Variants in TENM2 observed in about 807,000 individuals in gnomAD.
TENM2 encodes the protein teneurin transmembrane protein 2.
Under a neutral mutation model 245.2 loss-of-function variants are expected in TENM2, and 52 were observed. The ratio of observed to expected loss-of-function variants is 0.21; its 90% CI spans 0.17 to 0.27. The LOEUF is 0.27. TENM2 is among the 10% of genes least tolerant of loss of function. TENM2 has a pLI of 1.00. For missense variants in TENM2, 3,046 were observed against 3,666.8 expected (o/e 0.83, Z 4.37); for synonymous variants, 1,363 against 1,438.9 (o/e 0.95, Z 1.19).
chr5:167,044,836 A>G, the TENM2 span, among the ~76,000 whole-genome samples: 1 of 152,248 alleles, frequency 6.6e-6, no homozygotes, highest in Non-Finnish European at 1.5e-5. Flanking sequence ...TGACAGAAGC[A>G]GTTTTTGGAA....
chr5:167,596,378 C>T lies in TENM2; in HGVS notation c.502+220905C>T, dbSNP rs73382905. Among the ~76,000 whole-genome samples, 95 of 152,230 alleles carry T rather than the reference C, an allele frequency of 6.2e-4. 1 individual carries two copies. The East Asian group carries it at 0.011, about 17-fold the overall frequency. On this transcript the variant is annotated intron_variant, in intron 2 of 28. Transcript: ENST00000518659. ...TCTCCATCCTACTGGACTGTCCCCCCCAAGGACCTCCCTACAAACCCTCAG... is the reference window on the plus strand; with the variant it reads ...TCTCCATCCTACTGGACTGTCCCCCTCAAGGACCTCCCTACAAACCCTCAG...
At chr5:167,742,805 A>T (rs1210530126) in intron 2 of TENM2, among the ~76,000 whole-genome samples, 3 of 151,818 alleles carry the variant, frequency 2.0e-5, no homozygotes, top group Admixed American at 6.6e-5. Context: ...AAAGAAAGAA[A>T]GAAAGACAGA....
chr5:167,233,030 T>TA, the TENM2 span, among the ~76,000 whole-genome samples: 1 of 152,032 alleles, frequency 6.6e-6, no homozygotes, highest in Admixed American at 6.6e-5. Context: ...GACATGTACA[T>TA]AAAAAAGATA....
At chr5:167,521,594 C>T (rs1184407764) in intron 2 of TENM2, among the ~76,000 whole-genome samples, 2 of 152,134 alleles carry the variant, frequency 1.3e-5, no homozygotes, top group Non-Finnish European at 1.5e-5. Flanking sequence ...TTTTAATATG[C>T]CTTCTGACTG....
intron 1 of TENM2, among the ~76,000 whole-genome samples, chr5:167,347,074 A>T (rs778383255): frequency 5.9e-5 from 9 of 152,088 alleles, no homozygotes; most frequent in Non-Finnish European, 1.3e-4. Context: ...ACCAAGCTCC[A>T]GCTTTTACAG....
chr5:168,026,552 A>T (rs570436119), intron 5 of TENM2, among the ~76,000 whole-genome samples: 15 of 152,330 alleles, frequency 9.8e-5, no homozygotes, highest in Non-Finnish European at 1.8e-4. Context: ...ATTAATTTAT[A>T]CAACAAATGT....
intron 2 of TENM2, among the ~76,000 whole-genome samples, chr5:167,538,616 A>G (rs1175544150): frequency 2.0e-5 from 3 of 152,248 alleles, no homozygotes; most frequent in Non-Finnish European, 4.4e-5. Flanking sequence ...GGTAACTATC[A>G]GTACAGATAG....
At chr5:167,857,508 G>A (rs901099382) in intron 2 of TENM2, among the ~76,000 whole-genome samples, 9 of 152,152 alleles carry the variant, frequency 5.9e-5, no homozygotes, top group Non-Finnish European at 1.3e-4. Flanking sequence ...CAATTCAGAC[G>A]TGTTCATACA....
At chr5:167,349,132 G>A (rs1581803872) in intron 1 of TENM2, among the ~76,000 whole-genome samples, 1 of 152,150 alleles carries the variant, frequency 6.6e-6, no homozygotes, top group East Asian at 1.9e-4. Context: ...TCCAATTTTG[G>A]ACCACTGCCA....
At chr5:168,125,405 G>A (rs1275016754) in intron 11 of TENM2, among the ~76,000 whole-genome samples, 1 of 152,130 alleles carries the variant, frequency 6.6e-6, no homozygotes. Flanking sequence ...AAACAGAAAA[G>A]GGGCTCCCTC....
chr5:168,183,508 ACT>A (rs1264389167), intron 13 of TENM2, among the ~76,000 whole-genome samples: 3 of 151,500 alleles, frequency 2.0e-5, no homozygotes, highest in Non-Finnish European at 2.9e-5. Context: ...TACTCAGGAA[ACT>A]CTTTCCATCT....
chr5:168,054,360 G>GA (rs576543929), intron 6 of TENM2, among the ~76,000 whole-genome samples: 225 of 152,354 alleles, frequency 1.5e-3, no homozygotes, highest in South Asian at 3.7e-3. Flanking sequence ...GTCCTTGGAA[G>GA]AATCTTTTCA....
intron 2 of TENM2, among the ~76,000 whole-genome samples, chr5:167,626,988 T>C (rs1778553111): frequency 6.6e-6 from 1 of 152,194 alleles, no homozygotes; most frequent in African/African-American, 2.4e-5. Flanking sequence ...ACCCAGAGGC[T>C]TTCCATGCAA....
At chr5:167,411,202 G>A (rs1240767567) in intron 2 of TENM2, among the ~76,000 whole-genome samples, 1 of 152,000 alleles carries the variant, frequency 6.6e-6, no homozygotes, top group African/African-American at 2.4e-5. Context: ...AAACTGTGAT[G>A]AGGTAAAAAA....
the TENM2 span, among the ~76,000 whole-genome samples, chr5:167,166,004 T>C: frequency 4.0e-4 from 61 of 152,326 alleles, no homozygotes; most frequent in Admixed American, 1.6e-3. Context: ...TCAATTTTCT[T>C]GTATGAATAT....
intron 2 of TENM2, among the ~76,000 whole-genome samples, chr5:167,770,735 A>G (rs919287644): frequency 2.0e-5 from 3 of 152,118 alleles, no homozygotes; most frequent in Admixed American, 6.5e-5. Flanking sequence ...TTTGCTTTTC[A>G]TTAAAAAGAA....
At position 168,034,172 on chromosome 5, in the gene TENM2, T is replaced by TATGTGTATATATATATGTATATATATAC. The variant is rs1332207527; in HGVS notation, c.1187-13254_1187-13253insTGTGTATATATATATGTATATATATACA. On this transcript the variant is annotated intron_variant, in intron 5 of 28. Transcript: ENST00000518659. ...ATGTGTATATATATATGTATATATA[T>TATGTGTATATATATATGTATATATATAC]ACACACACACACACACAAAAATTAA... Among the ~76,000 whole-genome samples the TATGTGTATATATATATGTATATATATAC allele has an allele frequency of 8.3e-5, 7 of 84,766 alleles. No individual in the cohort carries two copies. In the South Asian group the frequency reaches 2.1e-3, roughly 25 times the overall value. 55.6% of individuals were successfully genotyped at this position (84,766 alleles called of 152,430 possible). A position where few individuals can be genotyped will look rare whatever the true frequency, so the allele number is the denominator to read the frequency against.
At chr5:167,714,979 T>G (rs1310126453) in intron 2 of TENM2, among the ~76,000 whole-genome samples, 3 of 152,134 alleles carry the variant, frequency 2.0e-5, no homozygotes, top group Non-Finnish European at 1.5e-5. Context: ...TCTTTTTAGG[T>G]TCTTTAAATG....
intron 2 of TENM2, among the ~76,000 whole-genome samples, chr5:167,651,387 G>A (rs1281397880): frequency 1.3e-5 from 2 of 151,756 alleles, no homozygotes; most frequent in Non-Finnish European, 2.9e-5. Flanking sequence ...CTTATTTGGA[G>A]GCTGCTGAGG....
Sources: allele counts gnomAD v4.1 joint callset (sites outside exome capture counted in the v4.1 genomes callset), GRCh38; gene constraint gnomAD v4.1.1; transcripts MANE v1.5; gene names NCBI Gene and HGNC (gene_info 2026-07-23, HGNC 2026-07-21).